The following HDAC4 variants were observed in gnomAD, a reference collection of about 807,000 sequenced individuals.
The protein encoded by HDAC4 is histone deacetylase 4.
Under a neutral mutation model 135.1 loss-of-function variants are expected in HDAC4, and 16 were observed. The observed-to-expected ratio is 0.12, with a 90% CI of 0.08 to 0.18. The LOEUF (loss-of-function observed/expected upper bound fraction) is 0.18, where lower values mean the gene tolerates loss of function less well. Among genes scored for constraint, HDAC4 ranks in the 10% least tolerant of loss-of-function variants. The pLI, the probability that HDAC4 is intolerant of heterozygous loss-of-function variation, is 1.00. For synonymous variants in HDAC4, 685 were observed against 653.4 expected (o/e 1.05, Z -0.74); for missense variants, 1,143 against 1,511.8 (o/e 0.76, Z 4.05).
chr2:239,153,860 A>G (rs2042263056), intron 7 of HDAC4, among the ~76,000 whole-genome samples: 1 of 152,246 alleles, frequency 6.6e-6, no homozygotes. Flanking sequence ...GGAATCTACG[A>G]GAGATGGCGC....
Position 239,240,421 on chromosome 2 carries a change from A to T in HDAC4, c.23-3757T>A, listed in dbSNP as rs2153189184. Among the ~76,000 whole-genome samples, 1 of 152,344 alleles carries T rather than the reference A, an allele frequency of 6.6e-6. No homozygotes were observed. Among genetic ancestry groups the T allele is most frequent in the Non-Finnish European group, 1.5e-5 (1 of 68,036 alleles). On this transcript the variant is annotated intron_variant, in intron 2 of 26. Transcript: ENST00000543185. The surrounding 1 kb of genome is among the most constrained non-coding windows in gnomAD (Gnocchi z 4.5). ...AAATGAAATTAGTGATGAGAGGTGG[A>T]ATTTCCATATTTATCTGCCTCTGGG...
At chr2:239,222,849 A>G (rs1487496182) in intron 3 of HDAC4, among the ~76,000 whole-genome samples, 1 of 152,184 alleles carries the variant, frequency 6.6e-6, no homozygotes, top group Non-Finnish European at 1.5e-5. Context: ...GGACCTGGGT[A>G]TCACAGACGG....
In HDAC4 at chr2:239,066,829, T is replaced by C; in HGVS notation, c.2896A>G (p.Met966Val). Residue 966 changes from methionine to valine, a missense_variant, in exon 24 of 27, where the codon ATG (methionine) becomes GTG (valine). By Grantham distance (21) the Met-to-Val change is conservative. Around this residue, in one of 9 missense-constraint regions of HDAC4, gnomAD observed 189 missense variants for 317.6 expected, o/e 0.60. Transcript: ENST00000543185. Reference protein sequence around the residue: ...RCFGYLTKQLMGLAGGRIVLA... With the variant: ...RCFGYLTKQLVGLAGGRIVLA... ...ACAATCCGGCCGCCAGCCAGGCCCA[T>C]CAGCTGCTTCGTCAGGTACCCGAAG... 1 of 1,613,486 alleles carries C rather than the reference T, an allele frequency of 6.2e-7. No homozygotes were observed. The highest frequency in any genetic ancestry group is 8.5e-7 in the Non-Finnish European group (1 of 1,179,894).
At chr2:239,369,468 G>A (rs989220983) in intron 1 of HDAC4, among the ~76,000 whole-genome samples, 5 of 152,172 alleles carry the variant, frequency 3.3e-5, no homozygotes, top group Non-Finnish European at 5.9e-5. Flanking sequence ...GCATGTGAGC[G>A]AAACTCAGAG....
chr2:239,074,102 G>T (rs2034496151), intron 22 of HDAC4, among the ~76,000 whole-genome samples: 1 of 152,158 alleles, frequency 6.6e-6, no homozygotes, highest in Admixed American at 6.5e-5. Context: ...GGGGCCGCAG[G>T]ACTGAGGGGG....
intron 2 of HDAC4, among the ~76,000 whole-genome samples, chr2:239,337,808 T>C (rs2125850408): frequency 6.6e-6 from 1 of 152,206 alleles, no homozygotes; most frequent in South Asian, 2.1e-4. Flanking sequence ...TCGGCTGAGA[T>C]CTGCAGACTG....
chr2:239,387,992 T>G (rs947384420), intron 1 of HDAC4, among the ~76,000 whole-genome samples: 1 of 152,100 alleles, frequency 6.6e-6, no homozygotes, highest in Non-Finnish European at 1.5e-5. Context: ...AGGACGGGTA[T>G]CCACGCCACA....
chr2:239,314,176 C>A (rs1384258196), intron 2 of HDAC4, among the ~76,000 whole-genome samples: 3 of 152,172 alleles, frequency 2.0e-5, no homozygotes, highest in Admixed American at 1.3e-4. Flanking sequence ...CAGGCAGAAA[C>A]CTTCTCTAGA....
At chr2:239,311,406 T>C (rs570764393) in intron 2 of HDAC4, among the ~76,000 whole-genome samples, 3 of 152,310 alleles carry the variant, frequency 2.0e-5, no homozygotes, top group African/African-American at 7.2e-5. Flanking sequence ...GGATGAAGTG[T>C]CCTCAGCCGG....
At chr2:239,288,998 G>A (rs941059749) in intron 2 of HDAC4, among the ~76,000 whole-genome samples, 1 of 152,246 alleles carries the variant, frequency 6.6e-6, no homozygotes, top group African/African-American at 2.4e-5. Context: ...AGACAGGGGA[G>A]TGCGGCTGCA....
chr2:239,360,701 T>C (rs759048036), intron 1 of HDAC4, among the ~76,000 whole-genome samples: 2 of 150,332 alleles, frequency 1.3e-5, no homozygotes, highest in African/African-American at 2.4e-5. Context: ...GCCCGAGCTC[T>C]ACCTGGTCCC....
At chr2:239,373,419 T>A (rs1202891575) in intron 1 of HDAC4, among the ~76,000 whole-genome samples, 1 of 152,232 alleles carries the variant, frequency 6.6e-6, no homozygotes, top group Non-Finnish European at 1.5e-5. Flanking sequence ...AATGTTGGTC[T>A]TTCTCTCCAG....
chr2:239,203,225 C>A lies in HDAC4; in HGVS notation c.95-13148G>T, dbSNP rs532295838. On this transcript the variant is annotated intron_variant, in intron 3 of 26. Coordinates refer to ENST00000543185, the MANE Select transcript of HDAC4 (RefSeq NM_001378414.1). ...GATGCCTAGCCCTGGAGACTCCAAACCCCCAGCAAGTGGGTGCCCACCCAG... is the reference window on the plus strand; with the variant it reads ...GATGCCTAGCCCTGGAGACTCCAAAACCCCAGCAAGTGGGTGCCCACCCAG... 7.2e-5 allele frequency among the ~76,000 whole-genome samples: 11 copies of A among 152,310 alleles called. No homozygotes were observed. The East Asian group carries it at 1.9e-3, about 27-fold the overall frequency.
intron 7 of HDAC4, among the ~76,000 whole-genome samples, chr2:239,156,143 A>G (rs536450175): frequency 1.3e-5 from 2 of 152,376 alleles, no homozygotes; most frequent in East Asian, 1.9e-4. Context: ...ACTGTGGCAC[A>G]TAACTCTGAG....
At chr2:239,142,422 G>A (rs113755545) in intron 8 of HDAC4, among the ~76,000 whole-genome samples, 2 of 152,282 alleles carry the variant, frequency 1.3e-5, no homozygotes, top group Admixed American at 1.3e-4. Flanking sequence ...CAGCTCCCTG[G>A]TACCAGTGCC....
chr2:239,179,365 T>C (rs1265626334), intron 4 of HDAC4, among the ~76,000 whole-genome samples: 1 of 152,194 alleles, frequency 6.6e-6, no homozygotes, highest in African/African-American at 2.4e-5. Flanking sequence ...AGTGGCAGGC[T>C]AGGGAGCATT....
At chr2:239,201,557 T>C (rs1460872187) in intron 3 of HDAC4, among the ~76,000 whole-genome samples, 1 of 152,128 alleles carries the variant, frequency 6.6e-6, no homozygotes, top group Non-Finnish European at 1.5e-5. Context: ...ATAAAGTCAC[T>C]TTTTCCTAAA....
chr2:239,304,313 T>C lies in HDAC4; in HGVS notation c.22+48365A>G, dbSNP rs550466337. On this transcript the variant is annotated intron_variant, in intron 2 of 26. Coordinates refer to ENST00000543185, the MANE Select transcript of HDAC4 (RefSeq NM_001378414.1). ...AGGAGCAGTACCTGTTGCAATATTT[T>C]TATTACATGCTGGGAAGATTAAATG... Among the ~76,000 whole-genome samples, 7 of 152,292 alleles carry C rather than the reference T, an allele frequency of 4.6e-5. No homozygotes were observed. The East Asian group carries it at 1.2e-3, about 25-fold the overall frequency.
At chr2:239,105,542 C>T (rs2038047615) in intron 15 of HDAC4, among the ~76,000 whole-genome samples, 1 of 152,188 alleles carries the variant, frequency 6.6e-6, no homozygotes, top group South Asian at 2.1e-4. Context: ...TCGACAGGGT[C>T]CCAAGCTTGC....
Sources: gnomAD v4.1 joint callset for allele counts (sites outside exome capture counted in the v4.1 genomes callset) on GRCh38, gnomAD v4.1.1 for gene constraint, gnomAD v4.1.1 regional missense constraint, Gnocchi (gnomAD v3.1) non-coding constraint, MANE v1.5 for transcripts, NCBI Gene and HGNC (gene_info 2026-07-23, HGNC 2026-07-21) for gene names.